Variants in XPR1 observed in about 807,000 individuals in gnomAD.
XPR1 encodes xenotropic and polytropic retrovirus receptor 1.
A neutral mutation model predicts 87.5 loss-of-function variants in XPR1; 28 were observed. The ratio of observed to expected loss-of-function variants is 0.32; its 90% confidence interval spans 0.24 to 0.44. The LOEUF is 0.44. Ranked by LOEUF, XPR1 falls within the 20% of genes least tolerant of loss-of-function variation. The pLI is 1.00. For missense variants in XPR1, 559 were observed against 862.3 expected (o/e 0.65, Z 4.41); for synonymous variants, 300 against 306.1 (o/e 0.98, Z 0.21).
chr1:180,772,739 T>A (rs1648566175), intron 2 of XPR1, among the ~76,000 whole-genome samples: 1 of 152,196 alleles, frequency 6.6e-6, no homozygotes, highest in Admixed American at 6.5e-5. Context: ...GGCATCCGCG[T>A]AAGATGTGAC....
intron 1 of XPR1, among the ~76,000 whole-genome samples, chr1:180,663,952 C>G (rs1475938227): frequency 6.6e-6 from 1 of 152,156 alleles, no homozygotes; most frequent in Non-Finnish European, 1.5e-5. Context: ...CAGGGTACCA[C>G]CAATGTGCAC....
At chr1:180,680,556 G>A (rs1032801770) in intron 1 of XPR1, among the ~76,000 whole-genome samples, 2 of 151,816 alleles carry the variant, frequency 1.3e-5, no homozygotes, top group Non-Finnish European at 1.5e-5. Context: ...GTAGAGACGG[G>A]GTTTCACCAT....
intron 2 of XPR1, among the ~76,000 whole-genome samples, chr1:180,763,961 A>G (rs1354654070): frequency 6.6e-6 from 1 of 152,234 alleles, no homozygotes; most frequent in African/African-American, 2.4e-5. Flanking sequence ...CAGCTGATAC[A>G]GATATTCTGG....
At chr1:180,760,591 A>G (rs541804075) in intron 2 of XPR1, among the ~76,000 whole-genome samples, 6 of 152,308 alleles carry the variant, frequency 3.9e-5, no homozygotes, top group African/African-American at 1.4e-4. Flanking sequence ...AGAACTACAA[A>G]CCACTGCTCA....
chr1:180,669,264 G>GAAGTCTCCAGCTATTA (rs1435934805), intron 1 of XPR1, among the ~76,000 whole-genome samples: 1 of 152,098 alleles, frequency 6.6e-6, no homozygotes, highest in African/African-American at 2.4e-5. Flanking sequence ...GAGAGATATT[G>GAAGTCTCCAGCTATTA]AAGTCTCCAG....
At chr1:180,643,596 T>G (rs545219625) in intron 1 of XPR1, among the ~76,000 whole-genome samples, 2 of 152,312 alleles carry the variant, frequency 1.3e-5, no homozygotes, top group South Asian at 4.1e-4. Flanking sequence ...GCAAGCCTGT[T>G]GACATAGGTG....
chr1:180,789,893 C>T (rs1365641516), intron 3 of XPR1, among the ~76,000 whole-genome samples: 1 of 152,164 alleles, frequency 6.6e-6, no homozygotes, highest in Non-Finnish European at 1.5e-5. Context: ...TAAATTGGAA[C>T]CACTGTAAAT....
chr1:180,818,329 T>A (rs1650488024), intron 7 of XPR1, among the ~76,000 whole-genome samples: 1 of 139,420 alleles, frequency 7.2e-6, no homozygotes, highest in African/African-American at 3.0e-5. Context: ...CTGTTTGGGT[T>A]TTTTTTTTTT....
chr1:180,781,298 C>T (rs1302276205), intron 2 of XPR1, among the ~76,000 whole-genome samples: 3 of 151,756 alleles, frequency 2.0e-5, no homozygotes, highest in Non-Finnish European at 4.4e-5. Flanking sequence ...GTCGTCTATA[C>T]AGATTTAAAA....
intron 9 of XPR1, among the ~76,000 whole-genome samples, chr1:180,834,024 A>G (rs1194376198): frequency 2.0e-5 from 3 of 152,202 alleles, no homozygotes; most frequent in African/African-American, 7.2e-5. Context: ...AGGAGTAGGA[A>G]CGTTCATAGA....
intron 2 of XPR1, among the ~76,000 whole-genome samples, chr1:180,709,526 A>G (rs149251159): frequency 1.2e-4 from 19 of 152,244 alleles, no homozygotes; most frequent in East Asian, 7.7e-4. Flanking sequence ...TACATTTTCT[A>G]AAGTTTTATA....
At chr1:180,766,596 T>TA (rs960511648) in intron 2 of XPR1, among the ~76,000 whole-genome samples, 51 of 151,226 alleles carry the variant, frequency 3.4e-4, no homozygotes, top group African/African-American at 4.4e-4. Context: ...TTTCTAACAT[T>TA]AAAAAAAAAC....
At chr1:180,778,355 C>G (rs1052232425) in intron 2 of XPR1, among the ~76,000 whole-genome samples, 2 of 152,096 alleles carry the variant, frequency 1.3e-5, no homozygotes, top group Non-Finnish European at 2.9e-5. Context: ...CCCTTTACAC[C>G]AAGGACTATA....
At chr1:180,647,902 C>CAAAAAAAAAAAAAAA (rs1009441967) in intron 1 of XPR1, among the ~76,000 whole-genome samples, 1 of 55,954 alleles carries the variant, frequency 1.8e-5, no homozygotes. Flanking sequence ...CTCTTATCTG[C>CAAAAAAAAAAAAAAA]AAAAAAAAAA....
intron 1 of XPR1, among the ~76,000 whole-genome samples, chr1:180,675,960 T>A (rs577207167): frequency 7.2e-5 from 11 of 152,200 alleles, no homozygotes; most frequent in Non-Finnish European, 1.6e-4. Context: ...CTTAATCAGA[T>A]GAACACAAAG....
At chr1:180,667,717 A>T (rs1656010530) in intron 1 of XPR1, among the ~76,000 whole-genome samples, 1 of 152,198 alleles carries the variant, frequency 6.6e-6, no homozygotes, top group Non-Finnish European at 1.5e-5. Flanking sequence ...AAGAGCCATG[A>T]GGTCCAGGGC....
intron 3 of XPR1, among the ~76,000 whole-genome samples, chr1:180,792,189 G>T (rs900037530): frequency 6.6e-6 from 1 of 152,104 alleles, no homozygotes; most frequent in Non-Finnish European, 1.5e-5. Context: ...ACAATATGGG[G>T]TGAGTTGAGC....
At chr1:180,774,361 A>G (rs1330891031) in intron 2 of XPR1, among the ~76,000 whole-genome samples, 1 of 151,744 alleles carries the variant, frequency 6.6e-6, no homozygotes, top group South Asian at 2.1e-4. Context: ...CTTTTTTTAA[A>G]AAAAGAAATC....
At position 180,643,211 on chromosome 1, in the gene XPR1, C is replaced by T. The variant is rs187077779; in HGVS notation, c.69+10941C>T. On this transcript the variant is annotated intron_variant, in intron 1 of 14. Transcript: ENST00000367590. ...ACTTTGGAGAGTGCAAGACCAAAGA[C>T]AGGAAAACCAAACAGCATAGCCAAG... Among the ~76,000 whole-genome samples the T allele has an allele frequency of 3.4e-4, 51 of 152,212 alleles. No individual in the cohort carries two copies. In the East Asian group the frequency reaches 9.5e-3, roughly 28 times the overall value.
Sources: gnomAD v4.1 joint callset for allele counts (sites outside exome capture counted in the v4.1 genomes callset) on GRCh38, gnomAD v4.1.1 for gene constraint, MANE v1.5 for transcripts, NCBI Gene and HGNC (gene_info 2026-07-23, HGNC 2026-07-21) for gene names.